ARHGAP15: variants seen among roughly 807,000 people sequenced by gnomAD.
The protein encoded by ARHGAP15 is Rho GTPase activating protein 15.
Under a neutral mutation model 63.7 loss-of-function variants are expected in ARHGAP15, and 51 were observed. That is an observed-to-expected ratio of 0.80 (90% CI 0.64 to 1.01). The LOEUF is 1.01. Among genes scored for constraint, ARHGAP15 ranks in the 50% least tolerant of loss-of-function variants. The pLI, the probability that ARHGAP15 is intolerant of heterozygous loss-of-function variation, is 0.00. For synonymous variants in ARHGAP15, 191 were observed against 193.8 expected, an observed-to-expected ratio of 0.99 and a Z score of 0.12; for missense variants, 560 against 564.6, an observed-to-expected ratio of 0.99 and a Z score of 0.08.
At chr2:143,285,368 T>C (rs1682038654) in intron 6 of ARHGAP15, among the ~76,000 whole-genome samples, 1 of 152,136 alleles carries the variant, frequency 6.6e-6, no homozygotes, top group East Asian at 1.9e-4. Context: ...CAAACTATCA[T>C]TACAAAATCT....
chr2:143,202,026 C>A, intron 2 of ARHGAP15, 108 bp from the exon 3 acceptor site: 1 of 842,998 alleles, frequency 1.2e-6, no homozygotes, highest in Non-Finnish European at 2.0e-6. Flanking sequence ...TTTATATCTA[C>A]TTAATTCACA....
intron 12 of ARHGAP15, among the ~76,000 whole-genome samples, chr2:143,680,386 T>C (rs1458548830): frequency 2.6e-5 from 4 of 152,228 alleles, no homozygotes; most frequent in Non-Finnish European, 4.4e-5. Flanking sequence ...GGTATTTCCA[T>C]AGATACAAAA....
chr2:143,305,775 G>A (rs1340841326), intron 6 of ARHGAP15, among the ~76,000 whole-genome samples: 7 of 152,050 alleles, frequency 4.6e-5, no homozygotes, highest in Non-Finnish European at 2.9e-5. Flanking sequence ...CTAAAGTGAA[G>A]CAAGTAGCAT....
chr2:143,534,655 G>T (rs2105025097), intron 10 of ARHGAP15, among the ~76,000 whole-genome samples: 1 of 152,216 alleles, frequency 6.6e-6, no homozygotes, highest in East Asian at 1.9e-4. Flanking sequence ...GAGGTGGGCA[G>T]ATCTCTTGAG....
At chr2:143,398,092 C>T (rs1687848133) in intron 6 of ARHGAP15, among the ~76,000 whole-genome samples, 1 of 151,990 alleles carries the variant, frequency 6.6e-6, no homozygotes, top group African/African-American at 2.4e-5. Context: ...TTATTTCATC[C>T]TCCCACTTAG....
chr2:143,748,031 G>C (rs1266737790), intron 13 of ARHGAP15, among the ~76,000 whole-genome samples: 1 of 152,148 alleles, frequency 6.6e-6, no homozygotes, highest in Non-Finnish European at 1.5e-5. Flanking sequence ...TAGGCAACGT[G>C]AGAGCAATTA....
At chr2:143,353,656 A>C (rs1480066778) in intron 6 of ARHGAP15, among the ~76,000 whole-genome samples, 1 of 152,136 alleles carries the variant, frequency 6.6e-6, no homozygotes. Flanking sequence ...CGACAAATGA[A>C]AGCTTCTTCT....
chr2:143,208,369 G>T (rs1206504618), intron 3 of ARHGAP15, among the ~76,000 whole-genome samples: 1 of 152,134 alleles, frequency 6.6e-6, no homozygotes, highest in Non-Finnish European at 1.5e-5. Flanking sequence ...TCTCATAGAG[G>T]CTAACACCCT....
At position 143,478,946 on chromosome 2, in the gene ARHGAP15, C is replaced by A. The variant is rs1574505148; in HGVS notation, c.704-8427C>A. Among the ~76,000 whole-genome samples the A allele has an allele frequency of 2.6e-5, 4 of 152,124 alleles. No homozygotes were observed. In the East Asian group the frequency reaches 7.7e-4, roughly 29 times the overall value. ...TATAGCATATTCTTTACTAAAGATA[C>A]ATTGTAACACACAGTCCAGGAATTT... On this transcript the variant is annotated intron_variant, in intron 8 of 13. Transcript: ENST00000295095.
intron 11 of ARHGAP15, among the ~76,000 whole-genome samples, chr2:143,580,409 A>G (rs765995600): frequency 6.6e-6 from 1 of 152,114 alleles, no homozygotes; most frequent in South Asian, 2.1e-4. Context: ...CACGAATCTT[A>G]TGCTCCTGCA....
intron 11 of ARHGAP15, among the ~76,000 whole-genome samples, chr2:143,612,696 C>T (rs551683836): frequency 2.0e-5 from 3 of 152,248 alleles, no homozygotes; most frequent in South Asian, 2.1e-4. Context: ...CAGTGAGGCC[C>T]GATTTGGAGT....
chr2:143,179,714 C>T (rs374552271), intron 2 of ARHGAP15, among the ~76,000 whole-genome samples: 1 of 151,966 alleles, frequency 6.6e-6, no homozygotes, highest in Admixed American at 6.6e-5. Context: ...GCAGTGAGAC[C>T]CTGTCTCTAC....
intron 6 of ARHGAP15, among the ~76,000 whole-genome samples, chr2:143,383,498 T>C (rs1253580619): frequency 6.6e-6 from 1 of 152,218 alleles, no homozygotes; most frequent in Admixed American, 6.5e-5. Context: ...CTATGTGGAA[T>C]CCAAATCGTC....
At chr2:143,654,452 A>T (rs1391875306) in intron 12 of ARHGAP15, among the ~76,000 whole-genome samples, 1 of 152,158 alleles carries the variant, frequency 6.6e-6, no homozygotes, top group Non-Finnish European at 1.5e-5. Context: ...GATTCAGCCA[A>T]ATCACTACAA....
intron 6 of ARHGAP15, among the ~76,000 whole-genome samples, chr2:143,296,586 C>A (rs925965545): frequency 6.6e-6 from 1 of 151,958 alleles, no homozygotes; most frequent in African/African-American, 2.4e-5. Context: ...CAATCTAGAT[C>A]TCAGAACGTT....
intron 2 of ARHGAP15, among the ~76,000 whole-genome samples, chr2:143,175,162 C>T (rs1441546474): frequency 6.6e-6 from 1 of 152,050 alleles, no homozygotes; most frequent in Non-Finnish European, 1.5e-5. Flanking sequence ...GGGTCATTAG[C>T]TCTTTAATGC....
intron 2 of ARHGAP15, among the ~76,000 whole-genome samples, chr2:143,170,398 C>T (rs1304048384): frequency 6.6e-6 from 1 of 152,014 alleles, no homozygotes; most frequent in Non-Finnish European, 1.5e-5. Context: ...AGCAGTGCAC[C>T]TGTAAAGAAG....
chr2:143,699,161 A>G (rs1049179221), intron 12 of ARHGAP15, among the ~76,000 whole-genome samples: 1 of 152,152 alleles, frequency 6.6e-6, no homozygotes, highest in Non-Finnish European at 1.5e-5. Context: ...TAATGTATCC[A>G]ATTGTATTTT....
At chr2:143,142,072 A>G (rs973875930) in intron 1 of ARHGAP15, among the ~76,000 whole-genome samples, 1 of 152,158 alleles carries the variant, frequency 6.6e-6, no homozygotes, top group African/African-American at 2.4e-5. Context: ...GAAGACATAT[A>G]GACATACTTT....
Sources: allele counts gnomAD v4.1 joint callset (sites outside exome capture counted in the v4.1 genomes callset), GRCh38; gene constraint gnomAD v4.1.1; transcripts MANE v1.5; gene names NCBI Gene and HGNC (gene_info 2026-07-23, HGNC 2026-07-21).